EVC2: variants seen among roughly 807,000 people sequenced by gnomAD.
EVC2 encodes EvC ciliary complex subunit 2.
EVC2 carries 148 observed loss-of-function variants against 149.3 expected under a neutral mutation model. The ratio of observed to expected loss-of-function variants is 0.99; its 90% CI spans 0.87 to 1.14. EVC2 has a LOEUF of 1.14. Ranked by LOEUF, EVC2 falls within the 50% of genes most tolerant of loss-of-function variation. EVC2 has a pLI of 0.00. For missense variants in EVC2, 1,854 were observed against 1,627.3 expected (o/e 1.14, Z -2.40); for synonymous variants, 776 against 649.9 (o/e 1.19, Z -2.95).
chr4:5,665,712 C>G (rs1023267650), intron 7 of EVC2, 63 bp from the exon 8 acceptor site: 2 of 1,595,052 alleles, frequency 1.3e-6, no homozygotes, highest in African/African-American at 2.7e-5. Flanking sequence ...CCAGGCCTCA[C>G]AGATGATTGA....
rs1720086704 is a variant in EVC2 at position 5,677,723 on chromosome 4, A to G, written c.870+3537T>C. On this transcript the variant is annotated intron_variant, in intron 7 of 21. Transcript: ENST00000344408. The surrounding 1 kb of genome is among the most constrained non-coding windows in gnomAD (Gnocchi z 4.3). The stretch of plus-strand genomic sequence containing the variant: ...AGCAATCATCGTCATTGACGACAAT[A>G]AGCTCAATCACGGGATATTTACCTG... Among the ~76,000 whole-genome samples, 1 of 152,194 alleles carries G rather than the reference A, an allele frequency of 6.6e-6. No individual in the cohort carries two copies. Among genetic ancestry groups the G allele is most frequent in the Non-Finnish European group, 1.5e-5 (1 of 68,032 alleles).
rs1171278762 is a variant in EVC2 at position 5,576,345 on chromosome 4, C to G, written c.3167G>C (p.Gly1056Ala). ...CACCTCCCCAGGTTCGTTCAGAATC[C>G]CGGGCCCATCGGCCACCCACTGCTG... ...SWQQWVADGP[G>A]ILNEPGEVDS... The change falls in exon 18 of 22, where the codon GGG becomes GCG. Residue 1056 changes from glycine to alanine, a missense_variant. Coordinates refer to ENST00000344408, the MANE Select transcript of EVC2 (RefSeq NM_147127.5). The surrounding 1 kb of genome is among the most constrained non-coding windows in gnomAD (Gnocchi z 4.5). 6.2e-7 allele frequency: 1 copy of G among 1,614,160 alleles called. No homozygotes were observed. The highest frequency in any genetic ancestry group is 1.7e-5 in the Admixed American group (1 of 60,022).
At chr4:5,688,210 C>T (rs1020309632) in intron 5 of EVC2, among the ~76,000 whole-genome samples, 3 of 152,054 alleles carry the variant, frequency 2.0e-5, no homozygotes, top group African/African-American at 7.2e-5. Context: ...TCAATAATAG[C>T]GTGTTAAGAA....
chr4:5,579,258 C>G (rs770328860), intron 17 of EVC2, among the ~76,000 whole-genome samples: 6 of 152,164 alleles, frequency 3.9e-5, no homozygotes, highest in Non-Finnish European at 5.9e-5. Flanking sequence ...TGCTTTTCAG[C>G]TGTGGGACCT....
Position 5,568,641 on chromosome 4 carries a change from CT to C in EVC2, c.3361-2del, listed in dbSNP as rs757914735. ...CCAGGTACGATGCCAGTCTCAGCTC[CT>C]ACAGGAAACAACAGAGGGAGTTCAG... is the stretch of plus-strand genomic sequence containing the variant. On this transcript the variant is annotated splice_acceptor_variant, in intron 19 of 21. Transcript: ENST00000344408. LOFTEE classifies it high-confidence loss of function. 2 of 1,606,818 alleles carry C rather than the reference CT, an allele frequency of 1.2e-6. No individual in the cohort carries two copies. Among genetic ancestry groups the C allele is most frequent in the Admixed American group, 3.3e-5 (2 of 59,962 alleles).
chr4:5,694,198 T>G, intron 3 of EVC2, 137 bp downstream of exon 3: 1 of 846,430 alleles, frequency 1.2e-6, no homozygotes, highest in East Asian at 2.5e-5. Flanking sequence ...TGCTACCCAG[T>G]GATAACTATA....
intron 12 of EVC2, 122 bp from the exon 13 acceptor site, chr4:5,626,030 C>A: frequency 8.2e-7 from 1 of 1,218,848 alleles, no homozygotes; most frequent in Non-Finnish European, 1.2e-6. Flanking sequence ...TCTTTACCCT[C>A]CAGAAGAATT....
At chr4:5,673,516 T>TA in intron 7 of EVC2, among the ~76,000 whole-genome samples, 1 of 152,118 alleles carries the variant, frequency 6.6e-6, no homozygotes, top group Non-Finnish European at 1.5e-5. Context: ...ATCTTTACCT[T>TA]AAACCTCATT....
At chr4:5,694,581 C>G in intron 2 of EVC2, 80 bp from the exon 3 acceptor site, 1 of 1,528,848 alleles carries the variant, frequency 6.5e-7, no homozygotes, top group Non-Finnish European at 9.1e-7. Context: ...AGACAGACTA[C>G]AGGGTACATG....
At chr4:5,631,718 ACT>A (rs1301644612) in intron 11 of EVC2, 73 bp downstream of exon 11, 62 of 1,589,602 alleles carry the variant, frequency 3.9e-5, no homozygotes, top group South Asian at 1.9e-4. Flanking sequence ...GCAGGACTGA[ACT>A]CTGAGAGAGG....
chr4:5,660,698 T>C (rs1182774427), intron 9 of EVC2, among the ~76,000 whole-genome samples: 2 of 152,146 alleles, frequency 1.3e-5, no homozygotes, highest in Admixed American at 1.3e-4. Flanking sequence ...CCATCACAAG[T>C]CTCTTTCACA....
intron 17 of EVC2, among the ~76,000 whole-genome samples, chr4:5,581,309 C>T (rs59856648): frequency 1.3e-5 from 2 of 152,022 alleles, no homozygotes; most frequent in Non-Finnish European, 2.9e-5. Flanking sequence ...GAAGAAGACA[C>T]AAAGATGAGG....
chr4:5,583,712 T>C (rs1463978591), intron 17 of EVC2, among the ~76,000 whole-genome samples: 29 of 151,880 alleles, frequency 1.9e-4, no homozygotes, highest in Admixed American at 1.9e-3. Flanking sequence ...CTCTTAATAT[T>C]ATTGTCTTTT....
At position 5,640,229 on chromosome 4, in the gene EVC2, G is replaced by A. The variant is rs908199561; in HGVS notation, c.1470+285C>T. 6.6e-6 allele frequency among the ~76,000 whole-genome samples: 1 copy of A among 151,798 alleles called. No individual in the cohort carries two copies. The highest frequency in any genetic ancestry group is 6.6e-5 in the Admixed American group (1 of 15,236). On this transcript the variant is annotated intron_variant, in intron 10 of 21. Transcript: ENST00000344408. This position sits in a 1 kb window ranked among gnomAD's most constrained non-coding sequence, Gnocchi z 4.6. Reference sequence around the variant, plus strand: ...TGGATGTGTAGATGGACAGATGGGTGAATGAGTGGGTGGATGAATGGATAG... The same window carrying A: ...TGGATGTGTAGATGGACAGATGGGTAAATGAGTGGGTGGATGAATGGATAG...
rs574836175 is a variant in EVC2 at position 5,569,252 on chromosome 4, T to C, written c.3361-612A>G. Among the ~76,000 whole-genome samples the C allele has an allele frequency of 1.2e-4, 19 of 152,068 alleles. No homozygotes were observed. The highest frequency in any genetic ancestry group is 4.6e-4 in the African/African-American group (19 of 41,510). ...CCAGGTGTGGGGCAGGGGAGGTGGGTGTGGCCTTAAAGGGGCAGCCCAGGG... is the reference window on the plus strand; with the variant it reads ...CCAGGTGTGGGGCAGGGGAGGTGGGCGTGGCCTTAAAGGGGCAGCCCAGGG... On this transcript the variant is annotated intron_variant, in intron 19 of 21. Coordinates refer to ENST00000344408, the MANE Select transcript of EVC2 (RefSeq NM_147127.5). This position sits in a 1 kb window ranked among gnomAD's most constrained non-coding sequence, Gnocchi z 4.8.
rs1719324349 is a variant in EVC2, at chr4:5,666,967, C to T, written c.871-1318G>A. On this transcript the variant is annotated intron_variant, in intron 7 of 21. Coordinates refer to ENST00000344408, the MANE Select transcript of EVC2 (RefSeq NM_147127.5). ...CTTTCCCTCAAGATGTTGATGGTGC[C>T]ATTCTACTGTCTTCTGACAGAAGTG... Among the ~76,000 whole-genome samples the T allele has an allele frequency of 2.0e-5, 3 of 152,224 alleles. 1 individual carries two copies. Among genetic ancestry groups the T allele is most frequent in the Middle Eastern group, 6.8e-3 (2 of 294 alleles).
chr4:5,669,616 C>T (rs552265815), intron 7 of EVC2, among the ~76,000 whole-genome samples: 4 of 152,326 alleles, frequency 2.6e-5, no homozygotes, highest in African/African-American at 9.6e-5. Context: ...TGTTCCTTCT[C>T]CCCTTCTGTC....
At chr4:5,592,317 A>T (rs889830511) in intron 16 of EVC2, among the ~76,000 whole-genome samples, 27 of 152,324 alleles carry the variant, frequency 1.8e-4, no homozygotes, top group African/African-American at 6.3e-4. Flanking sequence ...TTCCTTCTTT[A>T]ATCACAAATG....
In EVC2 at chr4:5,567,272, G is replaced by A. The variant is rs1722343528; in HGVS notation, c.3557+1172C>T. The stretch of plus-strand genomic sequence containing the variant: ...TGGCCTCCTGCCCACACCCGCAGAT[G>A]TTCCCTCTTCCCCACCCTCCCCCTC... On this transcript the variant is annotated intron_variant, in intron 20 of 21. Coordinates refer to ENST00000344408, the MANE Select transcript of EVC2 (RefSeq NM_147127.5). This position sits in a 1 kb window ranked among gnomAD's most constrained non-coding sequence, Gnocchi z 4.4. Among the ~76,000 whole-genome samples the A allele has an allele frequency of 6.6e-6, 1 of 152,110 alleles. No homozygotes were observed. The highest frequency in any genetic ancestry group is 2.4e-5 in the African/African-American group (1 of 41,412).
Sources: allele counts gnomAD v4.1 joint callset (sites outside exome capture counted in the v4.1 genomes callset), GRCh38; gene constraint gnomAD v4.1.1; non-coding constraint Gnocchi (gnomAD v3.1); transcripts MANE v1.5; gene names NCBI Gene and HGNC (gene_info 2026-07-23, HGNC 2026-07-21).